Variants in ROR2 observed in about 807,000 individuals in gnomAD.
ROR2 encodes the protein ROR family WNT receptor 2, also known as tyrosine-protein kinase transmembrane receptor ROR2.
Under a neutral mutation model 74.9 loss-of-function variants are expected in ROR2, and 33 were observed. The ratio of observed to expected loss-of-function variants is 0.44; its 90% CI spans 0.33 to 0.59. The LOEUF is 0.59. Among genes scored for constraint, ROR2 ranks in the 20% least tolerant of loss-of-function variants. ROR2 has a pLI of 0.02. For synonymous variants in ROR2, 586 were observed against 558.7 expected (o/e 1.05, Z -0.69); for missense variants, 1,216 against 1,313.8 (o/e 0.93, Z 1.15).
At chr9:91,874,437 A>G (rs574669456) in intron 1 of ROR2, among the ~76,000 whole-genome samples, 6 of 152,342 alleles carry the variant, frequency 3.9e-5, no homozygotes, top group Non-Finnish European at 7.3e-5. Context: ...ATAAACATTA[A>G]AAGTTTTATC....
At chr9:91,756,743 CTTTTTTTTT>C (rs557043787) in intron 3 of ROR2, among the ~76,000 whole-genome samples, 14 of 104,066 alleles carry the variant, frequency 1.3e-4, no homozygotes, top group African/African-American at 3.2e-4. Flanking sequence ...TTTTTGTTCT[CTTTTTTTTT>C]TTTTTTTTTT....
chr9:91,901,926 G>A (rs1235352594), intron 1 of ROR2, among the ~76,000 whole-genome samples: 1 of 151,994 alleles, frequency 6.6e-6, no homozygotes, highest in Non-Finnish European at 1.5e-5. Context: ...TAGGTGGGGG[G>A]GCCTACCCTC....
intron 7 of ROR2, among the ~76,000 whole-genome samples, chr9:91,728,367 T>C (rs1236189444): frequency 1.3e-5 from 2 of 152,236 alleles, no homozygotes; most frequent in Non-Finnish European, 2.9e-5. Context: ...AGTAGTTTTA[T>C]ATGGTTTTCT....
At chr9:91,939,481 T>G (rs1831791508) in intron 1 of ROR2, among the ~76,000 whole-genome samples, 1 of 152,186 alleles carries the variant, frequency 6.6e-6, no homozygotes. Context: ...TGTGGCCTTT[T>G]GTATTTGTTC....
At chr9:91,946,832 T>C (rs1324398530) in intron 1 of ROR2, among the ~76,000 whole-genome samples, 1 of 152,180 alleles carries the variant, frequency 6.6e-6, no homozygotes, top group East Asian at 1.9e-4. Context: ...GCTGAAACCT[T>C]TCTAAAGGGG....
intron 2 of ROR2, among the ~76,000 whole-genome samples, chr9:91,761,929 C>T (rs1825925956): frequency 6.6e-6 from 1 of 152,148 alleles, no homozygotes; most frequent in African/African-American, 2.4e-5. Flanking sequence ...TATATAAAGC[C>T]CTCATTTTAA....
chr9:91,766,760 G>A (rs1413459742), intron 2 of ROR2, among the ~76,000 whole-genome samples: 1 of 152,182 alleles, frequency 6.6e-6, no homozygotes, highest in Non-Finnish European at 1.5e-5. Context: ...AATTTGCCAG[G>A]CCAAAAGGAG....
intron 3 of ROR2, among the ~76,000 whole-genome samples, 174 bp from the exon 4 acceptor site, chr9:91,756,275 C>A (rs967253080): frequency 2.6e-5 from 4 of 152,236 alleles, no homozygotes; most frequent in African/African-American, 9.6e-5. Context: ...AAACCACACA[C>A]AAGGGAAGGG....
At position 91,805,031 on chromosome 9, in the gene ROR2, G is replaced by A. The variant is rs572037476; in HGVS notation, c.98-29213C>T. On this transcript the variant is annotated intron_variant, in intron 1 of 8. Coordinates refer to ENST00000375708, the MANE Select transcript of ROR2 (RefSeq NM_004560.4). ...TTTATTCAAAGTACTTCACATGGTA[G>A]GACGAAAGTAGTATTTAATGATGAC... Among the ~76,000 whole-genome samples, 6 of 152,328 alleles carry A rather than the reference G, an allele frequency of 3.9e-5. No individual in the cohort carries two copies. The East Asian group carries it at 1.2e-3, about 29-fold the overall frequency.
rs1319659142 is a variant in ROR2, at chr9:91,732,388, G to A, written c.937+734C>T. The stretch of plus-strand genomic sequence containing the variant: ...GCAGGGGCTGCTGCCAGCAAGAGGG[G>A]CAGTGGGGAGCATGCTCTTCGTCCT... On this transcript the variant is annotated intron_variant, in intron 6 of 8. Transcript: ENST00000375708. Among the ~76,000 whole-genome samples, 4 of 152,320 alleles carry A rather than the reference G, an allele frequency of 2.6e-5. 1 individual carries two copies. In the East Asian group the frequency reaches 7.7e-4, roughly 29 times the overall value.
chr9:91,837,423 A>G (rs1225583656), intron 1 of ROR2, among the ~76,000 whole-genome samples: 1 of 152,252 alleles, frequency 6.6e-6, no homozygotes, highest in Non-Finnish European at 1.5e-5. Flanking sequence ...CATCACATCC[A>G]CTATAAAAAA....
chr9:91,761,076 C>T (rs1469665115), intron 2 of ROR2, among the ~76,000 whole-genome samples: 3 of 152,180 alleles, frequency 2.0e-5, no homozygotes, highest in Non-Finnish European at 4.4e-5. Flanking sequence ...CAACACATAT[C>T]TTTCATCTTA....
At chr9:91,877,899 G>A (rs111462923) in intron 1 of ROR2, among the ~76,000 whole-genome samples, 220 of 152,290 alleles carry the variant, frequency 1.4e-3, no homozygotes, top group African/African-American at 5.0e-3. Context: ...AGGGAGAAGG[G>A]TTATAAATAA....
intron 1 of ROR2, among the ~76,000 whole-genome samples, chr9:91,800,950 T>C (rs1734281718): frequency 1.3e-5 from 2 of 152,108 alleles, no homozygotes; most frequent in South Asian, 2.1e-4. Context: ...CACTCTCCTC[T>C]TGGAGGGGAA....
At chr9:91,775,118 T>C (rs752229660) in intron 2 of ROR2, among the ~76,000 whole-genome samples, 5 of 152,164 alleles carry the variant, frequency 3.3e-5, no homozygotes, top group Non-Finnish European at 7.4e-5. Context: ...AACTAGGAAG[T>C]GTGTGTGTTG....
intron 1 of ROR2, among the ~76,000 whole-genome samples, chr9:91,852,650 CCCACA>C (rs1829139705): frequency 6.7e-6 from 1 of 149,144 alleles, no homozygotes; most frequent in East Asian, 2.0e-4. Flanking sequence ...CACACACACA[CCCACA>C]CACACAATGT....
intron 1 of ROR2, among the ~76,000 whole-genome samples, chr9:91,850,511 C>T (rs183937425): frequency 6.6e-6 from 1 of 152,280 alleles, no homozygotes; most frequent in East Asian, 1.9e-4. Flanking sequence ...ACAGGGAAAC[C>T]ATGCTGCTGG....
intron 1 of ROR2, among the ~76,000 whole-genome samples, chr9:91,789,965 G>C (rs1424481178): frequency 1.3e-5 from 2 of 152,088 alleles, no homozygotes. Context: ...AACACAAATA[G>C]GTTTAAAAGA....
At chr9:91,726,458 A>T in intron 8 of ROR2, 83 bp downstream of exon 8, 1 of 1,273,236 alleles carries the variant, frequency 7.9e-7, no homozygotes, top group Non-Finnish European at 1.1e-6. Flanking sequence ...CAAGTAAATT[A>T]AGACATTTAA....
Sources: allele counts gnomAD v4.1 joint callset (sites outside exome capture counted in the v4.1 genomes callset), GRCh38; gene constraint gnomAD v4.1.1; transcripts MANE v1.5; gene names NCBI Gene and HGNC (gene_info 2026-07-23, HGNC 2026-07-21).